NHSL2: variants seen among roughly 807,000 people sequenced by gnomAD.
NHSL2 encodes NHS like 2.
In NHSL2, 27 loss-of-function variants were observed where a neutral mutation model predicts 53.4. The observed-to-expected ratio is 0.51, with a 90% confidence interval of 0.37 to 0.70. The LOEUF is 0.70. NHSL2 is among the 30% of genes least tolerant of loss of function. The probability of loss-of-function intolerance (pLI) is 0.00; values close to 1 mark genes in which losing one functional copy is unlikely to be tolerated. For synonymous variants in NHSL2, 408 were observed against 404.1 expected (o/e 1.01, Z -0.12); for missense variants, 892 against 980.1 (o/e 0.91, Z 1.20).
chrX:72,049,869 T>C (rs985016565), intron 1 of NHSL2, among the ~76,000 whole-genome samples: 4 of 101,372 alleles, frequency 3.9e-5, no homozygotes, highest in African/African-American at 1.5e-4. Context: ...CACTTACACA[T>C]GTTTACTGAG....
intron 1 of NHSL2, chrX:72,127,751 C>T (rs1021786232): frequency 8.9e-6 from 1 of 112,719 alleles, no homozygotes; most frequent in Non-Finnish European, 1.9e-5. Context: ...GTTGTTTACT[C>T]CTGCCCTGGT....
At chrX:72,131,267 G>C (rs2042295264) in intron 1 of NHSL2, 1 of 1,200,505 alleles carries the variant, frequency 8.3e-7, no homozygotes, top group African/African-American at 1.8e-5. Flanking sequence ...TCCGCGCGTG[G>C]GGGAGGCCGG....
intron 1 of NHSL2, among the ~76,000 whole-genome samples, chrX:71,978,144 T>C (rs1387671100): frequency 8.9e-6 from 1 of 112,778 alleles, no homozygotes. Flanking sequence ...ACCTACCACA[T>C]AAGAAGCCTT....
At chrX:71,994,393 A>C (rs1400080533) in intron 1 of NHSL2, among the ~76,000 whole-genome samples, 1 of 107,274 alleles carries the variant, frequency 9.3e-6, no homozygotes, top group African/African-American at 3.4e-5. Context: ...TGGAGGAACA[A>C]AATGAGTAAA....
intron 1 of NHSL2, among the ~76,000 whole-genome samples, chrX:71,996,070 T>G (rs773081277): frequency 8.9e-6 from 1 of 112,260 alleles, no homozygotes; most frequent in Admixed American, 9.3e-5. Context: ...CTTGGGCAAG[T>G]CCCTTCCCCT....
Position 72,134,172 on chromosome X carries a change from C to T in NHSL2, c.518C>T (p.Pro173Leu), listed in dbSNP as rs2042334597. 2 of 1,167,814 alleles carry T rather than the reference C, an allele frequency of 1.7e-6. No individual in the cohort carries two copies. The highest frequency in any genetic ancestry group is 1.8e-5 in the African/African-American group (1 of 56,509). Residue 173 changes from proline (P) to leucine (L), a missense_variant, in exon 3 of 8, where the codon CCC becomes CTC. By Grantham distance (98) the Pro-to-Leu change is moderately conservative. Transcript: ENST00000633930. ...TCTGATGAGGCCACTAAGCCCACCCCCAACCCAAGGCCCCAGTCTGCCAGG... is the reference window on the plus strand; with the variant it reads ...TCTGATGAGGCCACTAAGCCCACCCTCAACCCAAGGCCCCAGTCTGCCAGG... The part of the protein sequence containing the change: ...RSSDEATKPT[P>L]NPRPQSARRL...
chrX:72,103,556 G>A (rs2042013382), intron 1 of NHSL2, among the ~76,000 whole-genome samples: 1 of 111,580 alleles, frequency 9.0e-6, no homozygotes, highest in African/African-American at 3.3e-5. Context: ...CAGGTCCAAG[G>A]TTCAGGAGAA....
intron 1 of NHSL2, among the ~76,000 whole-genome samples, chrX:72,043,428 G>T (rs921381430): frequency 9.0e-6 from 1 of 110,897 alleles, no homozygotes; most frequent in African/African-American, 3.3e-5. Context: ...TTTAATCTTT[G>T]TACTAACTCC....
chrX:71,945,391 A>G (rs2041787824), intron 1 of NHSL2, among the ~76,000 whole-genome samples: 2 of 111,811 alleles, frequency 1.8e-5, no homozygotes, highest in South Asian at 7.5e-4. Context: ...GGAAGACTAC[A>G]CTTCCATTCC....
intron 1 of NHSL2, among the ~76,000 whole-genome samples, chrX:72,016,362 T>A (rs1236199354): frequency 8.9e-6 from 1 of 112,196 alleles, no homozygotes; most frequent in Non-Finnish European, 1.9e-5. Context: ...TGCCACACCC[T>A]GTTAATTACT....
chrX:72,124,675 A>G (rs1602386863), intron 1 of NHSL2, among the ~76,000 whole-genome samples: 1 of 111,287 alleles, frequency 9.0e-6, no homozygotes, highest in Non-Finnish European at 1.9e-5. Context: ...CTGGATGTCA[A>G]ACTGCTGGGG....
Position 72,144,390 on chromosome X carries a change from C to T in NHSL2, c.*816C>T, listed in dbSNP as rs1036075660. 6.6e-6 allele frequency: 3 copies of T among 452,770 alleles called. No individual in the cohort carries two copies. Among genetic ancestry groups the T allele is most frequent in the Non-Finnish European group, 1.1e-5 (3 of 270,769 alleles). The allele number at this position is 452,770 out of a possible 1,213,427, so 37.3% of individuals were successfully genotyped here. ...TAACTCACAAGTGCACCTTGAGATC[C>T]TCCATGTGTCTGTCAACAGCGATAG... is the stretch of plus-strand genomic sequence containing the variant. On this transcript the variant is annotated 3_prime_UTR_variant, in exon 8 of 8. Coordinates refer to ENST00000633930, the MANE Select transcript of NHSL2 (RefSeq NM_001013627.3).
chrX:72,143,740 A>C lies in NHSL2; in HGVS notation c.*166A>C. 1 of 397,717 alleles carries C rather than the reference A, an allele frequency of 2.5e-6. No homozygotes were observed. The highest frequency in any genetic ancestry group is 4.4e-6 in the Non-Finnish European group (1 of 227,713). The allele number at this position is 397,717 out of a possible 1,213,427, so 32.8% of individuals were successfully genotyped here. A position where few individuals can be genotyped will look rare whatever the true frequency, so the allele number is the denominator to read the frequency against. Reference sequence around the variant, plus strand: ...GGCTACTTCATCTAGAGCTAAAATCATCTGGCACTTAATCATCTTCAGACA... The same window carrying C: ...GGCTACTTCATCTAGAGCTAAAATCCTCTGGCACTTAATCATCTTCAGACA... On this transcript the variant is annotated 3_prime_UTR_variant, in exon 8 of 8. Transcript: ENST00000633930.
chrX:72,114,568 G>A (rs1602379930), intron 1 of NHSL2, among the ~76,000 whole-genome samples: 1 of 111,875 alleles, frequency 8.9e-6, no homozygotes, highest in African/African-American at 3.3e-5. Flanking sequence ...AGGGAGTAAC[G>A]TAAACTGCAA....
At chrX:71,926,885 C>T (rs769796185) in intron 1 of NHSL2, among the ~76,000 whole-genome samples, 9 of 111,119 alleles carry the variant, frequency 8.1e-5, no homozygotes, top group Non-Finnish European at 1.7e-4. Flanking sequence ...TTATTGAGTA[C>T]CTGCTGTATC....
chrX:72,093,807 T>G (rs1031028899), intron 1 of NHSL2, among the ~76,000 whole-genome samples: 10 of 107,846 alleles, frequency 9.3e-5, no homozygotes, highest in African/African-American at 3.1e-4. Context: ...TTTCAAAACC[T>G]ACTCTTCTCT....
intron 1 of NHSL2, among the ~76,000 whole-genome samples, chrX:71,994,298 C>CTGTGTGTGTGTGTGTGTGTGTG (rs10673341): frequency 1.9e-3 from 168 of 90,078 alleles, no homozygotes; most frequent in African/African-American, 6.4e-3. Flanking sequence ...GAGGCTCCCT[C>CTGTGTGTGTGTGTGTGTGTGTG]TGTGTGTGTG....
At chrX:72,059,458 A>C (rs1288621246) in intron 1 of NHSL2, among the ~76,000 whole-genome samples, 1 of 111,919 alleles carries the variant, frequency 8.9e-6, no homozygotes, top group Non-Finnish European at 1.9e-5. Flanking sequence ...CAACTACCTC[A>C]TCTTCTACCT....
chrX:71,969,042 C>T (rs988054173), intron 1 of NHSL2, among the ~76,000 whole-genome samples: 1 of 111,590 alleles, frequency 9.0e-6, no homozygotes, highest in Non-Finnish European at 1.9e-5. Flanking sequence ...GTAGGATCAG[C>T]TTGTCAACTT....
Sources: gnomAD v4.1 joint callset for allele counts (sites outside exome capture counted in the v4.1 genomes callset) on GRCh38, gnomAD v4.1.1 for gene constraint, MANE v1.5 for transcripts, NCBI Gene and HGNC (gene_info 2026-07-23, HGNC 2026-07-21) for gene names.